The following SDCCAG8 variants were observed in gnomAD, a reference collection of about 807,000 sequenced individuals.
SDCCAG8 encodes serologically defined colon cancer antigen 8.
In SDCCAG8, 74 loss-of-function variants were observed where a neutral mutation model predicts 101.8. The observed-to-expected ratio is 0.73, with a 90% CI of 0.60 to 0.88. The LOEUF (loss-of-function observed/expected upper bound fraction) is 0.88, where lower values mean the gene tolerates loss of function less well. Ranked by LOEUF, SDCCAG8 falls within the 40% of genes least tolerant of loss-of-function variation. The pLI is 0.00. For synonymous variants in SDCCAG8, 281 were observed against 292.9 expected (o/e 0.96, Z 0.41); for missense variants, 787 against 822.6 (o/e 0.96, Z 0.53).
intron 7 of SDCCAG8, chr1:243,307,419 G>C: frequency 3.1e-6 from 3 of 982,878 alleles, no homozygotes; most frequent in Non-Finnish European, 3.6e-6. Context: ...CTTTGTAGAA[G>C]TTTGTCGTTA....
chr1:243,452,325 A>T (rs2083418469), intron 16 of SDCCAG8, among the ~76,000 whole-genome samples: 1 of 150,520 alleles, frequency 6.6e-6, no homozygotes, highest in African/African-American at 2.5e-5. Flanking sequence ...TACCTCCCCT[A>T]GTAACCCTTG....
At chr1:243,361,643 T>G (rs181049642) in intron 12 of SDCCAG8, among the ~76,000 whole-genome samples, 18 of 152,314 alleles carry the variant, frequency 1.2e-4, no homozygotes, top group African/African-American at 4.3e-4. Flanking sequence ...TGCCTTTAGC[T>G]TCTCAGACAT....
chr1:243,364,417 C>T (rs2076881524), intron 12 of SDCCAG8, among the ~76,000 whole-genome samples: 1 of 152,138 alleles, frequency 6.6e-6, no homozygotes, highest in Non-Finnish European at 1.5e-5. Flanking sequence ...TAATGCTTTA[C>T]CTCTGCTACT....
intron 7 of SDCCAG8, chr1:243,307,397 T>C (rs2072257509): frequency 1.0e-6 from 1 of 984,206 alleles, no homozygotes; most frequent in South Asian, 4.7e-5. Context: ...CTTACTTTCT[T>C]TTGAAACAGA....
At chr1:243,371,504 G>GTAAGT (rs2077285998) in intron 12 of SDCCAG8, among the ~76,000 whole-genome samples, 1 of 152,084 alleles carries the variant, frequency 6.6e-6, no homozygotes, top group Non-Finnish European at 1.5e-5. Context: ...TTGGTACATG[G>GTAAGT]TAAGCACTCA....
At chr1:243,414,987 G>A (rs903623629) in intron 13 of SDCCAG8, among the ~76,000 whole-genome samples, 2 of 152,120 alleles carry the variant, frequency 1.3e-5, no homozygotes, top group African/African-American at 4.8e-5. Flanking sequence ...TGGAGCCACT[G>A]TGCTTGGTTA....
At chr1:243,359,169 G>A (rs568334682) in intron 12 of SDCCAG8, among the ~76,000 whole-genome samples, 9 of 152,246 alleles carry the variant, frequency 5.9e-5, no homozygotes, top group African/African-American at 2.2e-4. Context: ...GTGTTAGCAC[G>A]TCAGTCCAAT....
chr1:243,391,368 T>C (rs1477015018), intron 13 of SDCCAG8, among the ~76,000 whole-genome samples: 1 of 152,202 alleles, frequency 6.6e-6, no homozygotes, highest in Non-Finnish European at 1.5e-5. Flanking sequence ...ATTTTTATTA[T>C]GCTGCAACTC....
chr1:243,328,873 T>G (rs927438715), intron 9 of SDCCAG8, among the ~76,000 whole-genome samples: 1 of 152,222 alleles, frequency 6.6e-6, no homozygotes, highest in Non-Finnish European at 1.5e-5. Flanking sequence ...TGGTTTTAGA[T>G]CTTCAGTCTC....
intron 1 of SDCCAG8, among the ~76,000 whole-genome samples, 169 bp from the exon 2 acceptor site, chr1:243,269,936 T>G (rs1458902933): frequency 2.0e-5 from 3 of 152,208 alleles, no homozygotes; most frequent in Non-Finnish European, 4.4e-5. Flanking sequence ...GTTAATCTTC[T>G]CTCACCATCT....
At chr1:243,383,518 G>A (rs1257746032) in intron 13 of SDCCAG8, among the ~76,000 whole-genome samples, 1 of 152,094 alleles carries the variant, frequency 6.6e-6, no homozygotes, top group Non-Finnish European at 1.5e-5. Context: ...ATGATCTTTT[G>A]TTTAAGGTAT....
chr1:243,270,349 G>A (rs1558211228), intron 2 of SDCCAG8, 92 bp downstream of exon 2: 10 of 1,173,878 alleles, frequency 8.5e-6, no homozygotes, highest in Middle Eastern at 2.0e-4. Context: ...TCATTCTGCT[G>A]CTATGATGTT....
intron 16 of SDCCAG8, among the ~76,000 whole-genome samples, chr1:243,444,463 C>T (rs1436992219): frequency 6.6e-6 from 1 of 151,868 alleles, no homozygotes; most frequent in Non-Finnish European, 1.5e-5. Flanking sequence ...CCTTCACCTC[C>T]CGGGTTCAAG....
At chr1:243,491,959 A>G (rs1458575968) in intron 17 of SDCCAG8, among the ~76,000 whole-genome samples, 1 of 152,118 alleles carries the variant, frequency 6.6e-6, no homozygotes. Context: ...CCCAGAAGAG[A>G]ATGGGTCGGG....
intron 12 of SDCCAG8, among the ~76,000 whole-genome samples, chr1:243,369,964 C>T (rs1416151694): frequency 6.6e-6 from 1 of 152,028 alleles, no homozygotes; most frequent in Non-Finnish European, 1.5e-5. Flanking sequence ...TTGTCTTTAT[C>T]CATTTCAATC....
At chr1:243,342,880 G>A (rs2075461858) in intron 11 of SDCCAG8, among the ~76,000 whole-genome samples, 1 of 152,144 alleles carries the variant, frequency 6.6e-6, no homozygotes, top group African/African-American at 2.4e-5. Context: ...GAAGCCTGTT[G>A]ACTTTTTCTT....
intron 12 of SDCCAG8, among the ~76,000 whole-genome samples, chr1:243,355,314 TTCTCTCTC>T (rs10579765): frequency 1.4e-4 from 21 of 147,658 alleles, no homozygotes; most frequent in African/African-American, 4.2e-4. Flanking sequence ...TCCTGATACC[TTCTCTCTC>T]TCTCTCTCTC....
intron 1 of SDCCAG8, among the ~76,000 whole-genome samples, chr1:243,261,968 A>ATG: frequency 5.7e-5 from 8 of 140,226 alleles, no homozygotes; most frequent in Non-Finnish European, 1.1e-4. Flanking sequence ...GTGCCAACAC[A>ATG]CCTGGCTAAT....
chr1:243,432,556 AAAAG>A (rs1215838785), intron 16 of SDCCAG8, among the ~76,000 whole-genome samples: 1 of 152,262 alleles, frequency 6.6e-6, no homozygotes, highest in Admixed American at 6.5e-5. Context: ...GAAAATTAAA[AAAAG>A]AGAGAAAGCT....
Sources: gnomAD v4.1 joint callset for allele counts (sites outside exome capture counted in the v4.1 genomes callset) on GRCh38, gnomAD v4.1.1 for gene constraint, MANE v1.5 for transcripts, NCBI Gene and HGNC (gene_info 2026-07-23, HGNC 2026-07-21) for gene names.